Variants in THSD7B observed in about 807,000 individuals in gnomAD.
THSD7B encodes the protein thrombospondin type-1 domain-containing protein 7B.
Under a neutral mutation model 213.6 loss-of-function variants are expected in THSD7B, and 138 were observed. The observed-to-expected ratio is 0.65, with a 90% CI of 0.56 to 0.74. THSD7B has a LOEUF of 0.74. Among genes scored for constraint, THSD7B ranks in the 30% least tolerant of loss-of-function variants. THSD7B has a pLI of 0.00. For synonymous variants in THSD7B, 742 were observed against 687.0 expected, an observed-to-expected ratio of 1.08 and a Z score of -1.25; for missense variants, 1,931 against 1,991.5, an observed-to-expected ratio of 0.97 and a Z score of 0.58.
intron 5 of THSD7B, among the ~76,000 whole-genome samples, chr2:137,157,214 C>G (rs1679926159): frequency 6.6e-6 from 1 of 152,136 alleles, no homozygotes; most frequent in Non-Finnish European, 1.5e-5. Context: ...ATTTATTACT[C>G]ACAGATTGGC....
chr2:137,338,880 G>A (rs1023448441), intron 12 of THSD7B, among the ~76,000 whole-genome samples: 6 of 152,012 alleles, frequency 3.9e-5, no homozygotes, highest in African/African-American at 1.2e-4. Context: ...TCGTGGCTGT[G>A]GAGGTTAATT....
chr2:137,423,689 G>C (rs1419563112), intron 14 of THSD7B, among the ~76,000 whole-genome samples: 2 of 152,058 alleles, frequency 1.3e-5, no homozygotes, highest in Non-Finnish European at 2.9e-5. Context: ...TATGTTAATG[G>C]ATGATAATTC....
rs1177047947 is a variant in THSD7B at position 137,289,088 on chromosome 2, ATAT to A, written c.2500+13065_2500+13067del. ...ACCAGTGCTTATAGTTGCTCAGGAA[ATAT>A]TAATCTATTTTTCTTTTTCAAACCT... On this transcript the variant is annotated intron_variant, in intron 12 of 27. Coordinates refer to ENST00000409968, the MANE Select transcript of THSD7B (RefSeq NM_001316349.2). 8.5e-5 allele frequency among the ~76,000 whole-genome samples: 13 copies of A among 152,126 alleles called. No individual in the cohort carries two copies. In the South Asian group the frequency reaches 2.3e-3, roughly 27 times the overall value.
chr2:137,309,633 T>A (rs1683843175), intron 12 of THSD7B, among the ~76,000 whole-genome samples: 1 of 152,110 alleles, frequency 6.6e-6, no homozygotes, highest in Admixed American at 6.5e-5. Context: ...ATTAGGTATA[T>A]CTCCCAATGC....
chr2:137,405,880 T>A, intron 13 of THSD7B, 73 bp downstream of exon 13: 1 of 1,369,252 alleles, frequency 7.3e-7, no homozygotes, highest in Non-Finnish European at 9.8e-7. Context: ...GAATATGAGG[T>A]CCAAAGGACA....
At chr2:137,080,584 G>A (rs1687728508) in intron 3 of THSD7B, among the ~76,000 whole-genome samples, 1 of 151,864 alleles carries the variant, frequency 6.6e-6, no homozygotes. Context: ...ACTTTGTGTA[G>A]TGCCCTTAAT....
intron 15 of THSD7B, among the ~76,000 whole-genome samples, chr2:137,492,024 T>C (rs905270684): frequency 6.6e-6 from 1 of 152,162 alleles, no homozygotes; most frequent in Non-Finnish European, 1.5e-5. Context: ...TTTGAGCTAA[T>C]CTTTGCATCT....
chr2:137,584,463 G>A (rs753972913), intron 17 of THSD7B, among the ~76,000 whole-genome samples: 8 of 152,190 alleles, frequency 5.3e-5, no homozygotes, highest in Admixed American at 1.3e-4. Flanking sequence ...TATGATATTG[G>A]CTGTGGCTTT....
At chr2:137,674,128 T>G (rs556051058) in intron 27 of THSD7B, among the ~76,000 whole-genome samples, 1 of 152,308 alleles carries the variant, frequency 6.6e-6, no homozygotes, top group South Asian at 2.1e-4. Context: ...TTTATAGAGA[T>G]ATGACCACCT....
intron 14 of THSD7B, among the ~76,000 whole-genome samples, chr2:137,434,970 GTCT>G (rs1473707308): frequency 6.6e-6 from 1 of 152,088 alleles, no homozygotes; most frequent in Non-Finnish European, 1.5e-5. Context: ...ACTTACGGTA[GTCT>G]TCAGTACTAT....
intron 15 of THSD7B, among the ~76,000 whole-genome samples, chr2:137,519,529 A>G (rs949059316): frequency 4.6e-5 from 7 of 152,232 alleles, no homozygotes; most frequent in African/African-American, 1.7e-4. Context: ...GGTTCATCAG[A>G]AACAGAATGT....
At chr2:136,952,507 C>T (rs1685053501) in intron 2 of THSD7B, among the ~76,000 whole-genome samples, 1 of 133,604 alleles carries the variant, frequency 7.5e-6, no homozygotes, top group Admixed American at 8.3e-5. Context: ...ATGATTTAAT[C>T]TCAAACTCGC....
intron 2 of THSD7B, among the ~76,000 whole-genome samples, chr2:136,925,073 G>A (rs1684500937): frequency 6.6e-6 from 1 of 152,128 alleles, no homozygotes; most frequent in African/African-American, 2.4e-5. Flanking sequence ...TTGTGTGTGT[G>A]TGTGAAATCT....
At chr2:137,316,770 GA>G (rs1195133586) in intron 12 of THSD7B, among the ~76,000 whole-genome samples, 164 of 74,260 alleles carry the variant, frequency 2.2e-3, no homozygotes, top group African/African-American at 6.6e-3. Flanking sequence ...AAAAAAAAAA[GA>G]AAAAGAAAAA....
chr2:137,131,199 G>A lies in THSD7B; in HGVS notation c.1369+15906G>A, dbSNP rs569836773. On this transcript the variant is annotated intron_variant, in intron 5 of 27. Coordinates refer to ENST00000409968, the MANE Select transcript of THSD7B (RefSeq NM_001316349.2). ...CTTCTTTTGAGAAGTGTCTGTTCAT[G>A]TCCTTCACCCACTTTTTGATGGGGT... is the stretch of plus-strand genomic sequence containing the variant. 6.4e-4 allele frequency among the ~76,000 whole-genome samples: 95 copies of A among 147,910 alleles called. 2 individuals carry two copies. The highest frequency in any genetic ancestry group is 1.8e-3 in the African/African-American group (73 of 40,552).
rs1225587536 is a variant in THSD7B at position 137,572,473 on chromosome 2, C to G, written c.3340C>G (p.Pro1114Ala). Residue 1114 changes from proline to alanine, a missense_variant, in exon 17 of 28, where the codon CCC becomes GCC. Transcript: ENST00000409968. The stretch of plus-strand genomic sequence containing the variant: ...CAACCTGTGCAACCAGGATGAAATT[C>G]CCCCAGAAACCCAGTCCTGTTCTCT... ...DSNLCNQDEI[P>A]PETQSCSLMC... is the part of the protein sequence containing the mutation. The G allele has an allele frequency of 1.2e-6, 2 of 1,613,758 alleles. No homozygotes were observed. Among genetic ancestry groups the G allele is most frequent in the Non-Finnish European group, 1.7e-6 (2 of 1,179,854 alleles).
chr2:136,851,119 A>G (rs1043223005), intron 1 of THSD7B, among the ~76,000 whole-genome samples: 2 of 152,078 alleles, frequency 1.3e-5, no homozygotes, highest in Non-Finnish European at 2.9e-5. Context: ...GTTTTTCTGT[A>G]TATCTAAATA....
intron 2 of THSD7B, among the ~76,000 whole-genome samples, chr2:137,032,786 TA>T (rs1686699248): frequency 6.6e-6 from 1 of 152,218 alleles, no homozygotes. Context: ...TTATAATGCA[TA>T]AAAGTATCAT....
At chr2:137,492,164 T>C (rs185069414) in intron 15 of THSD7B, among the ~76,000 whole-genome samples, 1 of 152,330 alleles carries the variant, frequency 6.6e-6, no homozygotes, top group African/African-American at 2.4e-5. Context: ...GCAAGGGAAA[T>C]GAAACTCCAT....
Sources: gnomAD v4.1 joint callset for allele counts (sites outside exome capture counted in the v4.1 genomes callset) on GRCh38, gnomAD v4.1.1 for gene constraint, MANE v1.5 for transcripts, NCBI Gene and HGNC (gene_info 2026-07-23, HGNC 2026-07-21) for gene names.